ARL3: variants seen among roughly 807,000 people sequenced by gnomAD.
The protein encoded by ARL3 is ARF like GTPase 3.
In ARL3, 9 loss-of-function variants were observed where a neutral mutation model predicts 26.0. That is an observed-to-expected ratio of 0.35 (90% CI 0.21 to 0.60). The LOEUF (loss-of-function observed/expected upper bound fraction) is 0.60. ARL3 is among the 20% of genes least tolerant of loss of function. The probability of loss-of-function intolerance (pLI) is 0.78; values close to 1 mark genes in which losing one functional copy is unlikely to be tolerated. For synonymous variants in ARL3, 71 were observed against 78.4 expected (o/e 0.91, Z 0.50); for missense variants, 158 against 215.7 (o/e 0.73, Z 1.67).
chr10:102,711,322 GTGTGTGTGTGTGTGTA>G (rs1207955031), intron 1 of ARL3, among the ~76,000 whole-genome samples: 3 of 18,142 alleles, frequency 1.7e-4, no homozygotes, highest in Admixed American at 7.4e-4. Context: ...TTCTGTGTGT[GTGTGTGTGTGTGTGTA>G]TATATATATA....
chr10:102,714,281 C>G lies in ARL3; in HGVS notation c.-6G>C. The G allele has an allele frequency of 7.6e-7, 1 of 1,312,958 alleles. No homozygotes were observed. Among genetic ancestry groups the G allele is most frequent in the Non-Finnish European group, 9.8e-7 (1 of 1,022,390 alleles). 81.3% of individuals were successfully genotyped at this position (1,312,958 alleles called of 1,614,324 possible). On this transcript the variant is annotated 5_prime_UTR_variant, in exon 1 of 6. Coordinates refer to ENST00000260746, the MANE Select transcript of ARL3 (RefSeq NM_004311.4). ...CAGGCCCCCACACTCACCATCCTCCCGCCGAGTCCCTCCTCCTCCTCCTCC... is the reference window on the plus strand; with the variant it reads ...CAGGCCCCCACACTCACCATCCTCCGGCCGAGTCCCTCCTCCTCCTCCTCC...
At chr10:102,708,552 C>T (rs1264301352) in intron 1 of ARL3, among the ~76,000 whole-genome samples, 1 of 151,994 alleles carries the variant, frequency 6.6e-6, no homozygotes, top group Non-Finnish European at 1.5e-5. Context: ...GATCTGTTTC[C>T]TATTTTAAAA....
chr10:102,705,709 C>T (rs1484952189), intron 1 of ARL3, among the ~76,000 whole-genome samples: 1 of 152,186 alleles, frequency 6.6e-6, no homozygotes, highest in African/African-American at 2.4e-5. Context: ...GGGCTTATTT[C>T]TGCTCCTCCA....
intron 1 of ARL3, among the ~76,000 whole-genome samples, chr10:102,707,767 T>C (rs1401754679): frequency 6.6e-6 from 1 of 152,222 alleles, no homozygotes; most frequent in Non-Finnish European, 1.5e-5. Flanking sequence ...CACATTAACC[T>C]TTCTATGCCT....
At chr10:102,686,459 T>C (rs993296702) in intron 4 of ARL3, among the ~76,000 whole-genome samples, 1 of 149,026 alleles carries the variant, frequency 6.7e-6, no homozygotes, top group Non-Finnish European at 1.5e-5. Flanking sequence ...AACTTTTTTT[T>C]TTCTTTCTTT....
At chr10:102,709,807 C>T (rs796836702) in intron 1 of ARL3, among the ~76,000 whole-genome samples, 4 of 151,968 alleles carry the variant, frequency 2.6e-5, no homozygotes, top group East Asian at 1.9e-4. Flanking sequence ...CTGAGGCTGG[C>T]GGATCATTTG....
chr10:102,704,602 C>T (rs1036884940), intron 2 of ARL3, among the ~76,000 whole-genome samples: 1 of 152,020 alleles, frequency 6.6e-6, no homozygotes, highest in African/African-American at 2.4e-5. Flanking sequence ...ATTGCACTAC[C>T]ACACTTCAGC....
Position 102,674,114 on chromosome 10 carries a change from A to T in ARL3, c.*2780T>A, listed in dbSNP as rs1269829264. 1 of 152,666 alleles carries T rather than the reference A, an allele frequency of 6.6e-6. No individual in the cohort carries two copies. Among genetic ancestry groups the T allele is most frequent in the Non-Finnish European group, 1.5e-5 (1 of 68,056 alleles). The allele number at this position is 152,666 out of a possible 1,614,324, so 9.5% of individuals were successfully genotyped here. A position where few individuals can be genotyped will look rare whatever the true frequency, so the allele number is the denominator to read the frequency against. ...CACTACTTTAGTCCAGAGGGGAATA[A>T]AGAAATTTGTCAAAAGCAAGGAGAG... is the stretch of plus-strand genomic sequence containing the variant. On this transcript the variant is annotated 3_prime_UTR_variant, in exon 6 of 6. Coordinates refer to ENST00000260746, the MANE Select transcript of ARL3 (RefSeq NM_004311.4).
At chr10:102,710,961 G>A (rs2064335624) in intron 1 of ARL3, among the ~76,000 whole-genome samples, 1 of 152,194 alleles carries the variant, frequency 6.6e-6, no homozygotes, top group African/African-American at 2.4e-5. Context: ...GAGAAGGAAT[G>A]CGTTGGTATA....
intron 3 of ARL3, among the ~76,000 whole-genome samples, chr10:102,691,663 A>C (rs941477885): frequency 6.6e-6 from 1 of 152,158 alleles, no homozygotes; most frequent in African/African-American, 2.4e-5. Context: ...GCCTGGATCA[A>C]TTTGTCGACC....
intron 2 of ARL3, among the ~76,000 whole-genome samples, chr10:102,702,240 CTA>C (rs2064283788): frequency 6.6e-6 from 1 of 151,944 alleles, no homozygotes; most frequent in South Asian, 2.1e-4. Flanking sequence ...AGTATATCCT[CTA>C]TGAGCCATTT....
intron 2 of ARL3, among the ~76,000 whole-genome samples, chr10:102,699,703 C>T (rs2064268763): frequency 6.6e-6 from 1 of 152,176 alleles, no homozygotes; most frequent in African/African-American, 2.4e-5. Flanking sequence ...TTAATAATGT[C>T]AGGCTAACAC....
chr10:102,699,477 T>C lies in ARL3; in HGVS notation c.160A>G (p.Lys54Glu). 1 of 1,604,318 alleles carries C rather than the reference T, an allele frequency of 6.2e-7. No homozygotes were observed. Among genetic ancestry groups the C allele is most frequent in the Non-Finnish European group, 8.5e-7 (1 of 1,172,896 alleles). The change falls in exon 3 of 6, where the codon AAA becomes GAA. Residue 54 changes from lysine (K) to glutamate (E), a missense_variant. Lys to Glu is a moderately conservative substitution (Grantham distance 56, BLOSUM62 1). Transcript: ENST00000260746. ...TTAAAACCTTGTGATTGTACACTTTTGATGTTGAAACCCTGAAACAGGGAC... is the reference window on the plus strand; with the variant it reads ...TTAAAACCTTGTGATTGTACACTTTCGATGTTGAAACCCTGAAACAGGGAC... Reference protein sequence around the residue: ...HITPTQGFNIKSVQSQGFKLN... With the variant: ...HITPTQGFNIESVQSQGFKLN...
chr10:102,702,380 T>A (rs1428523228), intron 2 of ARL3, among the ~76,000 whole-genome samples: 1 of 152,170 alleles, frequency 6.6e-6, no homozygotes, highest in Non-Finnish European at 1.5e-5. Context: ...ATTGTATTTA[T>A]TTATACTTCC....
Position 102,684,724 on chromosome 10 carries a change from C to T in ARL3, c.501+1092G>A, listed in dbSNP as rs181937854. ...TGCGATCTTGGCTCACTGGAACCTTCGCCTCCCAGCTTCAAGCAATTCTGC... is the reference window on the plus strand; with the variant it reads ...TGCGATCTTGGCTCACTGGAACCTTTGCCTCCCAGCTTCAAGCAATTCTGC... On this transcript the variant is annotated intron_variant, in intron 5 of 5. Transcript: ENST00000260746. Among the ~76,000 whole-genome samples, 513 of 151,682 alleles carry T rather than the reference C, an allele frequency of 3.4e-3. 2 individuals carry two copies. The highest frequency in any genetic ancestry group is 0.011 in the Admixed American group (164 of 15,230).
chr10:102,702,020 C>CA (rs34993485), intron 2 of ARL3, among the ~76,000 whole-genome samples: 97 of 117,668 alleles, frequency 8.2e-4, no homozygotes, highest in East Asian at 3.2e-3. Context: ...CCATCTCTAC[C>CA]AAAAAAAAAA....
chr10:102,689,759 C>T (rs1488611079), intron 4 of ARL3, 134 bp downstream of exon 4: 8 of 406,780 alleles, frequency 2.0e-5, no homozygotes, highest in South Asian at 4.5e-5. Flanking sequence ...ACCTGGGAGG[C>T]GGAGGTTGGG....
intron 3 of ARL3, among the ~76,000 whole-genome samples, chr10:102,696,157 G>T (rs2064246441): frequency 6.6e-6 from 1 of 151,400 alleles, no homozygotes; most frequent in African/African-American, 2.4e-5. Flanking sequence ...GTAGAGACGG[G>T]GTTTCACCGT....
chr10:102,714,068 C>T (rs571850476), intron 1 of ARL3, among the ~76,000 whole-genome samples: 1 of 152,366 alleles, frequency 6.6e-6, no homozygotes, highest in South Asian at 2.1e-4. Flanking sequence ...CTGCAAGCCC[C>T]GCCTTCCTCT....
Sources: gnomAD v4.1 joint callset for allele counts (sites outside exome capture counted in the v4.1 genomes callset) on GRCh38, gnomAD v4.1.1 for gene constraint, MANE v1.5 for transcripts, NCBI Gene and HGNC (gene_info 2026-07-23, HGNC 2026-07-21) for gene names.